Variants in OR3A2 observed in about 807,000 individuals in gnomAD.
OR3A2 encodes olfactory receptor family 3 subfamily A member 2, also known as olfactory receptor 3A2.
For missense variants in OR3A2, 318 were observed against 392.8 expected, an observed-to-expected ratio of 0.81 and a Z score of 1.61; for synonymous variants, 126 against 159.3, an observed-to-expected ratio of 0.79 and a Z score of 1.57.
intron 2 of OR3A2, among the ~76,000 whole-genome samples, chr17:3,352,724 C>G (rs2049430675): frequency 6.6e-6 from 1 of 151,790 alleles, no homozygotes; most frequent in South Asian, 2.1e-4. Context: ...ATAGCTTTGG[C>G]TAATCTGGGT....
At chr17:3,278,227 T>C (rs1470604247) in exon 2 of OR3A2, 2 of 1,614,154 alleles carry the variant, frequency 1.2e-6, no homozygotes, top group Admixed American at 1.7e-5. Context: ...ACTGAACGGA[T>C]TCGTAGAACT....
intron 2 of OR3A2, among the ~76,000 whole-genome samples, chr17:3,382,405 A>G (rs2049744827): frequency 1.3e-5 from 2 of 152,184 alleles, no homozygotes; most frequent in South Asian, 4.1e-4. Flanking sequence ...AGCCCACAGG[A>G]AACCCACTGA....
chr17:3,365,136 GAA>G (rs955061113), intron 2 of OR3A2, among the ~76,000 whole-genome samples: 1 of 152,158 alleles, frequency 6.6e-6, no homozygotes, highest in Non-Finnish European at 1.5e-5. Context: ...GCCATTGAAT[GAA>G]AGTCTTATAA....
chr17:3,317,226 G>A (rs984673261), intron 3 of OR3A2, among the ~76,000 whole-genome samples: 6 of 151,626 alleles, frequency 4.0e-5, no homozygotes, highest in African/African-American at 1.5e-4. Flanking sequence ...GGCCTGAGAA[G>A]TAGCAATAAG....
At chr17:3,359,296 T>C (rs1019562878) in intron 2 of OR3A2, among the ~76,000 whole-genome samples, 2 of 151,772 alleles carry the variant, frequency 1.3e-5, no homozygotes, top group African/African-American at 4.9e-5. Flanking sequence ...TTGATATGTA[T>C]GGATTTGATC....
chr17:3,337,842 A>T (rs1176678037), intron 2 of OR3A2, among the ~76,000 whole-genome samples: 2 of 152,210 alleles, frequency 1.3e-5, no homozygotes, highest in East Asian at 3.8e-4. Flanking sequence ...TCCTTGAGGA[A>T]TCGCCATACT....
chr17:3,360,771 G>A (rs555193701), intron 2 of OR3A2, among the ~76,000 whole-genome samples: 20 of 151,616 alleles, frequency 1.3e-4, no homozygotes, highest in East Asian at 3.9e-4. Context: ...TGTTCCATTG[G>A]TCTATATCTC....
intron 3 of OR3A2, among the ~76,000 whole-genome samples, chr17:3,306,697 C>A (rs231681): frequency 2.8e-5 from 4 of 142,792 alleles, no homozygotes; most frequent in African/African-American, 2.7e-5. Context: ...AAAAAAAAAC[C>A]GTAACCCCTT....
chr17:3,350,685 A>G (rs78018410), intron 2 of OR3A2, among the ~76,000 whole-genome samples: 7 of 145,030 alleles, frequency 4.8e-5, no homozygotes, highest in Non-Finnish European at 1.1e-4. Flanking sequence ...TCATTTTATG[A>G]GGCCAGCATC....
chr17:3,336,597 T>C (rs1389010689), intron 2 of OR3A2, among the ~76,000 whole-genome samples: 2 of 152,204 alleles, frequency 1.3e-5, no homozygotes, highest in Non-Finnish European at 2.9e-5. Context: ...CAATTATTAA[T>C]TGAAAATCTA....
chr17:3,331,652 T>C (rs191629168), intron 3 of OR3A2, among the ~76,000 whole-genome samples: 1 of 151,600 alleles, frequency 6.6e-6, no homozygotes, highest in African/African-American at 2.4e-5. Context: ...TCTTTGCCTT[T>C]GGTTTGAATG....
chr17:3,284,920 C>T (rs1567541690), upstream of OR3A2, among the ~76,000 whole-genome samples: 1 of 151,950 alleles, frequency 6.6e-6, no homozygotes, highest in Non-Finnish European at 1.5e-5. Flanking sequence ...GAGGAGGCCC[C>T]AGAAGGGAGA....
chr17:3,288,389 G>C (rs1052964235), upstream of OR3A2, among the ~76,000 whole-genome samples: 1 of 152,082 alleles, frequency 6.6e-6, no homozygotes, highest in African/African-American at 2.4e-5. Context: ...ACAGCAATAG[G>C]CTATTAACAG....
chr17:3,372,120 CAG>C (rs1230476426), intron 2 of OR3A2, among the ~76,000 whole-genome samples: 1 of 149,692 alleles, frequency 6.7e-6, no homozygotes, highest in Non-Finnish European at 1.5e-5. Flanking sequence ...GGCGGCCAGG[CAG>C]AGACGCTCCT....
chr17:3,350,514 C>T (rs1184035862), intron 2 of OR3A2, among the ~76,000 whole-genome samples: 3 of 152,020 alleles, frequency 2.0e-5, no homozygotes, highest in Non-Finnish European at 4.4e-5. Context: ...AGACCAATAA[C>T]GGGAGCTGAA....
Position 3,278,938 on chromosome 17 carries a change from C to T in OR3A2, c.-6-15G>A. 1.3e-6 allele frequency: 2 copies of T among 1,549,312 alleles called. No individual in the cohort carries two copies. The highest frequency in any genetic ancestry group is 1.2e-5 in the South Asian group (1 of 80,098). Reference sequence around the variant, plus strand: ...TCCATGAGTTTCTGTAAGGACATGTCCCAGCAGGGGAGGTATCAGTTCACT... The same window carrying T: ...TCCATGAGTTTCTGTAAGGACATGTTCCAGCAGGGGAGGTATCAGTTCACT... On this transcript the variant is annotated splice_polypyrimidine_tract_variant and intron_variant, in intron 1 of 1. Coordinates refer to ENST00000642052, the Ensembl canonical transcript of OR3A2.
At chr17:3,377,878 A>G (rs1415098549) in intron 2 of OR3A2, among the ~76,000 whole-genome samples, 2 of 152,246 alleles carry the variant, frequency 1.3e-5, no homozygotes, top group Non-Finnish European at 2.9e-5. Flanking sequence ...TTGGAAAACT[A>G]TTTATCAGTT....
At chr17:3,385,088 G>A (rs1375942011) in intron 1 of OR3A2, among the ~76,000 whole-genome samples, 1 of 152,156 alleles carries the variant, frequency 6.6e-6, no homozygotes, top group Non-Finnish European at 1.5e-5. Flanking sequence ...CAGCTACTCG[G>A]GAGGCTGAGG....
chr17:3,319,471 A>G (rs1421107696), intron 3 of OR3A2, among the ~76,000 whole-genome samples: 1 of 151,922 alleles, frequency 6.6e-6, no homozygotes, highest in Admixed American at 6.6e-5. Context: ...GGTGTGCTGC[A>G]CCCATTAACT....
Sources: gnomAD v4.1 joint callset for allele counts (sites outside exome capture counted in the v4.1 genomes callset) on GRCh38, gnomAD v4.1.1 for gene constraint, MANE v1.5 for transcripts, NCBI Gene and HGNC (gene_info 2026-07-23, HGNC 2026-07-21) for gene names.